KLHL1: variants seen among roughly 807,000 people sequenced by gnomAD.
KLHL1 encodes the protein kelch like family member 1, also known as kelch-like protein 1.
KLHL1 carries 47 observed loss-of-function variants against 77.7 expected under a neutral mutation model. The ratio of observed to expected loss-of-function variants is 0.60; its 90% CI spans 0.48 to 0.77. The LOEUF (loss-of-function observed/expected upper bound fraction) is 0.77. Among genes scored for constraint, KLHL1 ranks in the 30% least tolerant of loss-of-function variants. The pLI is 0.00. For synonymous variants in KLHL1, 360 were observed against 325.2 expected (o/e 1.11, Z -1.15); for missense variants, 925 against 910.8 (o/e 1.02, Z -0.20).
chr13:69,970,277 C>G (rs1410270054), intron 2 of KLHL1, among the ~76,000 whole-genome samples: 1 of 152,112 alleles, frequency 6.6e-6, no homozygotes, highest in Non-Finnish European at 1.5e-5. Context: ...AAATTAAACT[C>G]AAAGCTTTCC....
At position 69,924,396 on chromosome 13, in the gene KLHL1, C is replaced by A. The variant is rs925574540; in HGVS notation, c.1014+15644G>T. ...CTTCCCCTCTGAAGCCCATAAAACC[C>A]CCCAGACTCAGCCAGACTCGAGAGT... On this transcript the variant is annotated intron_variant, in intron 4 of 10. Coordinates refer to ENST00000377844, the MANE Select transcript of KLHL1 (RefSeq NM_020866.3). Among the ~76,000 whole-genome samples the A allele has an allele frequency of 2.6e-5, 4 of 152,214 alleles. No homozygotes were observed. In the South Asian group the frequency reaches 8.3e-4, roughly 32 times the overall value.
In KLHL1 at chr13:69,796,796, A is replaced by C. The variant is rs201759486; in HGVS notation, c.1581T>G (p.Asn527Lys). The change falls in exon 7 of 11, where the codon AAT (asparagine) becomes AAG (lysine). Residue 527 changes from asparagine (N) to lysine (K), a missense_variant. By Grantham distance (94) the Asn-to-Lys change is moderately conservative. Transcript: ENST00000377844. Reference protein sequence around the residue: ...LKTLNTVECYNPKTKTWTVLP... With the variant: ...LKTLNTVECYKPKTKTWTVLP... ...AGACAGTCCATGTCTTGGTTTTGGG[A>C]TTGTAACATTCAACAGTGTTCAATG... 933 of 1,613,998 alleles carry C rather than the reference A, an allele frequency of 5.8e-4. 7 individuals are homozygous for C. The highest frequency in any genetic ancestry group is 1.1e-4 in the Non-Finnish European group (130 of 1,180,006).
intron 5 of KLHL1, among the ~76,000 whole-genome samples, chr13:69,871,239 G>C (rs1257290883): frequency 6.6e-6 from 1 of 152,140 alleles, no homozygotes; most frequent in Non-Finnish European, 1.5e-5. Context: ...AGCTGGAGCA[G>C]CCTGGATATG....
At position 69,940,286 on chromosome 13, in the gene KLHL1, A is replaced by G. The variant is rs1343065127; in HGVS notation, c.818-50T>C. 3 of 1,389,472 alleles carry G rather than the reference A, an allele frequency of 2.2e-6. No individual in the cohort carries two copies. In the African/African-American group the frequency reaches 4.4e-5, roughly 20 times the overall value. The allele number at this position is 1,389,472 out of a possible 1,614,324, so 86.1% of individuals were successfully genotyped here. ...GAAACTCTTTTAAAAACATGAAATA[A>G]TATGTATCATAACACTACACAAAAC... On this transcript the variant is annotated intron_variant, in intron 3 of 10. Coordinates refer to ENST00000377844, the MANE Select transcript of KLHL1 (RefSeq NM_020866.3).
intron 8 of KLHL1, among the ~76,000 whole-genome samples, chr13:69,733,752 A>G (rs1023504849): frequency 2.0e-5 from 3 of 152,162 alleles, no homozygotes; most frequent in Non-Finnish European, 4.4e-5. Context: ...TGTGTGGACA[A>G]ATTAGGAAAA....
Position 69,740,416 on chromosome 13 carries a change from CA to C in KLHL1, c.1779del (p.Gly594ValfsTer2). The C allele has an allele frequency of 6.2e-7, 1 of 1,603,106 alleles. No homozygotes were observed. Among genetic ancestry groups the C allele is most frequent in the Non-Finnish European group, 8.5e-7 (1 of 1,173,052 alleles). On this transcript the variant is annotated frameshift_variant, in exon 8 of 11. Coordinates refer to ENST00000377844, the MANE Select transcript of KLHL1 (RefSeq NM_020866.3). LOFTEE classifies it high-confidence loss of function. ...TACTTGCCATTCAATGCTGCTACAC[CA>C]ACTGTGCTCCGAGCAATTGACATAC... Reference protein sequence around the residue: ...VASMSIARSTVGVAALNGKLY... With the variant: ...VASMSIARSTXGVAALNGKLY...
At chr13:69,705,563 C>A (rs961926852) in intron 10 of KLHL1, among the ~76,000 whole-genome samples, 1 of 151,610 alleles carries the variant, frequency 6.6e-6, no homozygotes, top group Non-Finnish European at 1.5e-5. Flanking sequence ...GAAAACTTTT[C>A]AAGTAGGCTA....
intron 5 of KLHL1, among the ~76,000 whole-genome samples, chr13:69,850,921 T>C (rs79961354): frequency 0.044 from 6,644 of 151,738 alleles, 197 homozygotes; most frequent in African/African-American, 0.074. Context: ...TTTTGAACTA[T>C]CTGACTGACT....
In KLHL1 at chr13:69,975,600, G is replaced by C. The variant is rs146280179; in HGVS notation, c.680+20C>G. 2.2e-4 allele frequency: 355 copies of C among 1,599,558 alleles called. No individual in the cohort carries two copies. The African/African-American group carries it at 4.3e-3, about 20-fold the overall frequency. On this transcript the variant is annotated intron_variant, in intron 2 of 10. Transcript: ENST00000377844. ...TTAAACATGTGAATGCATGTTTCCA[G>C]TAGAGGCAGACTACTGTACCTATGT...
intron 3 of KLHL1, among the ~76,000 whole-genome samples, chr13:69,945,418 C>T (rs1455976274): frequency 6.6e-6 from 1 of 150,980 alleles, no homozygotes; most frequent in Admixed American, 6.6e-5. Context: ...CACTGCACTC[C>T]AGCCTGAGTG....
At chr13:70,012,775 GT>G (rs1308250977) in intron 1 of KLHL1, among the ~76,000 whole-genome samples, 4 of 151,996 alleles carry the variant, frequency 2.6e-5, no homozygotes, top group African/African-American at 9.7e-5. Flanking sequence ...GCCAGGCATG[GT>G]GGTGGGCGCC....
chr13:69,927,817 GA>G (rs1882867386), intron 4 of KLHL1, among the ~76,000 whole-genome samples: 1 of 152,110 alleles, frequency 6.6e-6, no homozygotes, highest in Admixed American at 6.6e-5. Flanking sequence ...AGCTAGGTTG[GA>G]AAACAGTCTA....
rs1877177816 is a variant in KLHL1 at position 69,797,724 on chromosome 13, G to A, written c.1415-762C>T. On this transcript the variant is annotated intron_variant, in intron 6 of 10. Transcript: ENST00000377844. ...GGTGCCTGTAGTCCCAGCTACTCAG[G>A]AGGCTGAGGCAGGAGAATGGCATGA... Among the ~76,000 whole-genome samples, 4 of 150,816 alleles carry A rather than the reference G, an allele frequency of 2.7e-5. No individual in the cohort carries two copies. The South Asian group carries it at 8.3e-4, about 31-fold the overall frequency.
At chr13:69,847,662 A>G (rs2138125642) in intron 5 of KLHL1, among the ~76,000 whole-genome samples, 1 of 151,676 alleles carries the variant, frequency 6.6e-6, no homozygotes, top group East Asian at 1.9e-4. Context: ...CACATTCATG[A>G]TAAAGTGACA....
At chr13:69,780,733 C>CATATATATATAT (rs1217018845) in intron 7 of KLHL1, among the ~76,000 whole-genome samples, 1 of 42,080 alleles carries the variant, frequency 2.4e-5, no homozygotes, top group Non-Finnish European at 4.9e-5. Flanking sequence ...TATATATATA[C>CATATATATATAT]ATATATATAT....
At chr13:70,096,213 G>C (rs1263187268) in intron 1 of KLHL1, among the ~76,000 whole-genome samples, 2 of 152,002 alleles carry the variant, frequency 1.3e-5, no homozygotes, top group African/African-American at 2.4e-5. Context: ...ATACCCAGTA[G>C]AGGGATTGCT....
intron 1 of KLHL1, among the ~76,000 whole-genome samples, chr13:70,075,550 T>C (rs1362396925): frequency 1.1e-5 from 1 of 88,484 alleles, no homozygotes; most frequent in Non-Finnish European, 2.3e-5. Context: ...CATATATATA[T>C]ACCTGTGTGT....
intron 6 of KLHL1, among the ~76,000 whole-genome samples, chr13:69,837,636 ATATATATG>A: frequency 7.3e-6 from 1 of 136,964 alleles, no homozygotes; most frequent in African/African-American, 3.0e-5. Flanking sequence ...GTGTGTATAT[ATATATATG>A]TGTATATATA....
intron 4 of KLHL1, among the ~76,000 whole-genome samples, chr13:69,889,970 A>G (rs1489885200): frequency 6.6e-6 from 1 of 151,830 alleles, no homozygotes; most frequent in Admixed American, 6.6e-5. Flanking sequence ...TATTTTTCTG[A>G]TTATTCAGTC....
Sources: allele counts gnomAD v4.1 joint callset (sites outside exome capture counted in the v4.1 genomes callset), GRCh38; gene constraint gnomAD v4.1.1; transcripts MANE v1.5; gene names NCBI Gene and HGNC (gene_info 2026-07-23, HGNC 2026-07-21).